GALNTL6: variants seen among roughly 807,000 people sequenced by gnomAD.
GALNTL6 encodes the protein polypeptide N-acetylgalactosaminyltransferase like 6.
GALNTL6 carries 46 observed loss-of-function variants against 73.7 expected under a neutral mutation model. That is an observed-to-expected ratio of 0.62 (90% CI 0.49 to 0.80). The LOEUF (loss-of-function observed/expected upper bound fraction) is 0.80, where lower values mean the gene tolerates loss of function less well. Among genes scored for constraint, GALNTL6 ranks in the 30% least tolerant of loss-of-function variants. GALNTL6 has a pLI of 0.00. For missense variants in GALNTL6, 604 were observed against 755.0 expected, an observed-to-expected ratio of 0.80 and a Z score of 2.34; for synonymous variants, 259 against 263.7, an observed-to-expected ratio of 0.98 and a Z score of 0.17.
At chr4:172,502,248 T>C (rs1228268225) in intron 5 of GALNTL6, among the ~76,000 whole-genome samples, 2 of 152,190 alleles carry the variant, frequency 1.3e-5, no homozygotes, top group Non-Finnish European at 2.9e-5. Flanking sequence ...GCTAGACTGT[T>C]ACTAAACTCA....
chr4:171,976,054 C>G (rs746511260), intron 2 of GALNTL6, among the ~76,000 whole-genome samples: 2 of 152,134 alleles, frequency 1.3e-5, no homozygotes, highest in Non-Finnish European at 2.9e-5. Flanking sequence ...TCCTGAGTAG[C>G]TGGGATTACA....
At chr4:171,830,071 A>G (rs769008338) in intron 2 of GALNTL6, among the ~76,000 whole-genome samples, 171 of 152,188 alleles carry the variant, frequency 1.1e-3, no homozygotes, top group Non-Finnish European at 1.8e-3. Flanking sequence ...ATGCAGTGGT[A>G]AGTCAGATAG....
chr4:172,897,149 C>T (rs1746372285), intron 8 of GALNTL6, among the ~76,000 whole-genome samples: 1 of 152,182 alleles, frequency 6.6e-6, no homozygotes, highest in African/African-American at 2.4e-5. Flanking sequence ...GAGACTGAGC[C>T]CCCTCGGGGA....
intron 10 of GALNTL6, among the ~76,000 whole-genome samples, chr4:173,007,616 G>A (rs981885264): frequency 6.6e-6 from 1 of 152,104 alleles, no homozygotes; most frequent in Admixed American, 6.5e-5. Flanking sequence ...AGACCAGCCT[G>A]GCCAACATGG....
chr4:172,834,486 C>T (rs770866179), intron 7 of GALNTL6, among the ~76,000 whole-genome samples: 7 of 152,204 alleles, frequency 4.6e-5, no homozygotes, highest in Non-Finnish European at 1.0e-4. Flanking sequence ...GTCAAGAGGG[C>T]AGAGCACCAA....
intron 7 of GALNTL6, among the ~76,000 whole-genome samples, chr4:172,844,656 G>GA (rs761754506): frequency 2.6e-5 from 4 of 152,160 alleles, no homozygotes; most frequent in Non-Finnish European, 4.4e-5. Flanking sequence ...CAGTGTGTTA[G>GA]AATTAACATT....
intron 2 of GALNTL6, among the ~76,000 whole-genome samples, chr4:172,134,398 A>G (rs940254156): frequency 1.3e-5 from 2 of 151,664 alleles, no homozygotes; most frequent in East Asian, 1.9e-4. Flanking sequence ...AAAAAAAGGT[A>G]GTAACAGTGG....
chr4:172,912,327 G>A (rs908677321), intron 8 of GALNTL6, among the ~76,000 whole-genome samples: 3 of 152,198 alleles, frequency 2.0e-5, no homozygotes, highest in Admixed American at 2.0e-4. Flanking sequence ...GGTGATTTCT[G>A]CATTTCCAAC....
At chr4:172,539,381 G>T (rs112195710) in intron 5 of GALNTL6, among the ~76,000 whole-genome samples, 53 of 152,298 alleles carry the variant, frequency 3.5e-4, no homozygotes, top group African/African-American at 1.2e-3. Context: ...AGGTGGAGCT[G>T]AATGAATTTT....
At chr4:172,920,388 G>T (rs555649525) in intron 8 of GALNTL6, among the ~76,000 whole-genome samples, 2 of 152,184 alleles carry the variant, frequency 1.3e-5, no homozygotes, top group South Asian at 4.1e-4. Context: ...ATTACATCTA[G>T]CCCAGAAAAG....
rs79817426 is a variant in GALNTL6 at position 172,274,209 on chromosome 4, C to T, written c.248-37405C>T. On this transcript the variant is annotated intron_variant, in intron 3 of 12. Transcript: ENST00000506823. Reference sequence around the variant, plus strand: ...AAATGTAAAAAAAGAGACAAAGAGACAAAACTTAACTGTGAAACTTTAAGT... The same window carrying T: ...AAATGTAAAAAAAGAGACAAAGAGATAAAACTTAACTGTGAAACTTTAAGT... Among the ~76,000 whole-genome samples, 3 of 152,210 alleles carry T rather than the reference C, an allele frequency of 2.0e-5. No homozygotes were observed. The East Asian group carries it at 5.8e-4, about 29-fold the overall frequency.
intron 2 of GALNTL6, among the ~76,000 whole-genome samples, chr4:171,840,780 G>A (rs1735221466): frequency 6.6e-6 from 1 of 152,034 alleles, no homozygotes; most frequent in South Asian, 2.1e-4. Context: ...TTATCATGTT[G>A]CAACATATGT....
intron 2 of GALNTL6, among the ~76,000 whole-genome samples, chr4:172,147,332 A>T (rs1208716479): frequency 6.6e-6 from 1 of 152,244 alleles, no homozygotes; most frequent in Non-Finnish European, 1.5e-5. Context: ...GAGGATTCTC[A>T]TTATCGCTTA....
chr4:172,019,311 GC>G (rs1360231344), intron 2 of GALNTL6, among the ~76,000 whole-genome samples: 1 of 151,900 alleles, frequency 6.6e-6, no homozygotes, highest in African/African-American at 2.4e-5. Context: ...TCTGTTTGGA[GC>G]TTTTGTCCAT....
intron 7 of GALNTL6, among the ~76,000 whole-genome samples, chr4:172,835,508 C>A (rs1047108977): frequency 1.3e-5 from 2 of 152,150 alleles, no homozygotes; most frequent in African/African-American, 4.8e-5. Context: ...AGTGTGGAGT[C>A]CACACACGGT....
intron 5 of GALNTL6, among the ~76,000 whole-genome samples, chr4:172,583,273 A>C (rs1353596397): frequency 6.6e-6 from 1 of 152,188 alleles, no homozygotes; most frequent in Non-Finnish European, 1.5e-5. Flanking sequence ...ACCCCAATGT[A>C]TCTTATAATA....
chr4:172,573,433 T>TA (rs1736839407), intron 5 of GALNTL6, among the ~76,000 whole-genome samples: 1 of 152,170 alleles, frequency 6.6e-6, no homozygotes, highest in Admixed American at 6.6e-5. Flanking sequence ...ATTAGGCGTT[T>TA]AAAAAATAGA....
chr4:172,501,356 A>G (rs1394289239), intron 5 of GALNTL6, among the ~76,000 whole-genome samples: 1 of 152,236 alleles, frequency 6.6e-6, no homozygotes, highest in Non-Finnish European at 1.5e-5. Context: ...TTTCAAACAT[A>G]AAGGATATTT....
At chr4:172,100,851 G>T (rs1732489292) in intron 2 of GALNTL6, among the ~76,000 whole-genome samples, 1 of 151,996 alleles carries the variant, frequency 6.6e-6, no homozygotes, top group African/African-American at 2.4e-5. Flanking sequence ...CTCTTTTTCT[G>T]GGAACTTACG....
Sources: gnomAD v4.1 joint callset for allele counts (sites outside exome capture counted in the v4.1 genomes callset) on GRCh38, gnomAD v4.1.1 for gene constraint, MANE v1.5 for transcripts, NCBI Gene and HGNC (gene_info 2026-07-23, HGNC 2026-07-21) for gene names.